Variants in RORA observed in about 807,000 individuals in gnomAD.
The protein encoded by RORA is RAR related orphan receptor A, also known as nuclear receptor ROR-alpha.
RORA carries 7 observed loss-of-function variants against 69.5 expected under a neutral mutation model. The ratio of observed to expected loss-of-function variants is 0.10; its 90% CI spans 0.06 to 0.19. RORA has a LOEUF of 0.19. Ranked by LOEUF, RORA falls within the 10% of genes least tolerant of loss-of-function variation. RORA has a pLI of 1.00. For missense variants in RORA, 457 were observed against 663.0 expected (o/e 0.69, Z 3.41); for synonymous variants, 261 against 240.8 (o/e 1.08, Z -0.78).
At chr15:60,600,532 A>T (rs907693878) in intron 2 of RORA, among the ~76,000 whole-genome samples, 3 of 152,178 alleles carry the variant, frequency 2.0e-5, no homozygotes, top group Non-Finnish European at 4.4e-5. Flanking sequence ...TCTATTATTT[A>T]TGTCCAGTCC....
chr15:60,893,665 G>A (rs1169590384), intron 1 of RORA, among the ~76,000 whole-genome samples: 1 of 152,128 alleles, frequency 6.6e-6, no homozygotes, highest in Non-Finnish European at 1.5e-5. Context: ...GGAAGCGGGG[G>A]CTGAAGGAAG....
chr15:60,906,839 G>A (rs1891557436), intron 1 of RORA, among the ~76,000 whole-genome samples: 1 of 152,060 alleles, frequency 6.6e-6, no homozygotes, highest in South Asian at 2.1e-4. Context: ...ATTATTATTG[G>A]CAATTGTAGT....
chr15:61,102,606 G>T (rs889606961), intron 1 of RORA, among the ~76,000 whole-genome samples: 5 of 152,182 alleles, frequency 3.3e-5, no homozygotes, highest in African/African-American at 1.2e-4. Context: ...TCTTGCTGGA[G>T]AACTGATCCA....
At chr15:60,993,345 C>T (rs937414292) in intron 1 of RORA, among the ~76,000 whole-genome samples, 2 of 152,156 alleles carry the variant, frequency 1.3e-5, no homozygotes, top group South Asian at 2.1e-4. Context: ...AGCAAGTTAA[C>T]GACCTGGGAT....
chr15:60,845,622 A>G (rs1169918582), intron 1 of RORA, among the ~76,000 whole-genome samples: 2 of 152,340 alleles, frequency 1.3e-5, no homozygotes, highest in East Asian at 3.9e-4. Context: ...CCTAAATCTC[A>G]GCTTTCTCAT....
At chr15:61,041,273 C>G (rs1451342223) in intron 1 of RORA, 1 of 152,210 alleles carries the variant, frequency 6.6e-6, no homozygotes, top group African/African-American at 2.4e-5. Flanking sequence ...GTAGGTTTCA[C>G]AGCCTCATGC....
intron 1 of RORA, among the ~76,000 whole-genome samples, chr15:60,774,606 A>G (rs972595426): frequency 5.9e-5 from 9 of 152,208 alleles, no homozygotes; most frequent in Non-Finnish European, 1.0e-4. Flanking sequence ...GGTATTTGGG[A>G]GTCCTAACGG....
intron 2 of RORA, among the ~76,000 whole-genome samples, chr15:60,564,189 T>C (rs570340645): frequency 6.6e-6 from 1 of 152,318 alleles, no homozygotes; most frequent in East Asian, 1.9e-4. Context: ...TGTGAACTTA[T>C]GCAAAAATTT....
intron 1 of RORA, among the ~76,000 whole-genome samples, chr15:61,159,309 T>C (rs2079473753): frequency 6.6e-6 from 1 of 152,182 alleles, no homozygotes; most frequent in Admixed American, 6.5e-5. Context: ...CATCTACCCT[T>C]GCTGAACATC....
chr15:60,996,648 C>T (rs1238384723), intron 1 of RORA, among the ~76,000 whole-genome samples: 6 of 152,134 alleles, frequency 3.9e-5, no homozygotes, highest in Non-Finnish European at 5.9e-5. Flanking sequence ...CGATGGCTCA[C>T]ACCTGTAATC....
intron 1 of RORA, among the ~76,000 whole-genome samples, chr15:61,005,768 T>C (rs770429452): frequency 6.6e-6 from 1 of 152,144 alleles, no homozygotes; most frequent in Admixed American, 6.5e-5. Context: ...AATGAGAGAA[T>C]GAAAACCTAA....
chr15:61,011,894 G>C (rs1484864231), intron 1 of RORA, among the ~76,000 whole-genome samples: 1 of 152,222 alleles, frequency 6.6e-6, no homozygotes. Flanking sequence ...CATTTCCAGA[G>C]AGCTTGCGCT....
chr15:60,820,625 A>C (rs1417531846), intron 1 of RORA, among the ~76,000 whole-genome samples: 1 of 149,658 alleles, frequency 6.7e-6, no homozygotes, highest in Non-Finnish European at 1.5e-5. Flanking sequence ...TCACACTGGG[A>C]GTAAAGGCAG....
intron 3 of RORA, among the ~76,000 whole-genome samples, chr15:60,518,178 C>G (rs1457697250): frequency 6.6e-6 from 1 of 152,202 alleles, no homozygotes; most frequent in Non-Finnish European, 1.5e-5. Flanking sequence ...TTCTTCATTT[C>G]TTTCAAAAGT....
intron 2 of RORA, among the ~76,000 whole-genome samples, chr15:60,582,400 T>C (rs2068218552): frequency 1.3e-5 from 2 of 152,142 alleles, no homozygotes; most frequent in African/African-American, 4.8e-5. Flanking sequence ...CATAGAACGG[T>C]AGAGATGGAA....
intron 2 of RORA, among the ~76,000 whole-genome samples, chr15:60,610,190 C>T (rs1039326561): frequency 8.8e-5 from 9 of 102,400 alleles, no homozygotes; most frequent in Non-Finnish European, 1.4e-4. Context: ...TCTAAAGTGT[C>T]GTGTAAGTCA....
At chr15:60,822,689 C>T (rs561841800) in intron 1 of RORA, among the ~76,000 whole-genome samples, 8 of 152,302 alleles carry the variant, frequency 5.3e-5, no homozygotes, top group Middle Eastern at 3.4e-3. Flanking sequence ...GCAATCAGCA[C>T]CACGCTTTCT....
intron 1 of RORA, among the ~76,000 whole-genome samples, chr15:60,904,855 G>T (rs1891489431): frequency 6.6e-6 from 1 of 152,172 alleles, no homozygotes; most frequent in Non-Finnish European, 1.5e-5. Context: ...TAGGGGTGGT[G>T]TGGTTTGGGG....
chr15:60,811,464 T>G (rs2072742048), intron 1 of RORA, among the ~76,000 whole-genome samples: 1 of 152,228 alleles, frequency 6.6e-6, no homozygotes, highest in Non-Finnish European at 1.5e-5. Flanking sequence ...TTTTGGTCTG[T>G]GGGTTATTCT....
Sources: gnomAD v4.1 joint callset for allele counts (sites outside exome capture counted in the v4.1 genomes callset) on GRCh38, gnomAD v4.1.1 for gene constraint, MANE v1.5 for transcripts, NCBI Gene and HGNC (gene_info 2026-07-23, HGNC 2026-07-21) for gene names.